TMEM132D: variants seen among roughly 807,000 people sequenced by gnomAD.
TMEM132D encodes the protein transmembrane protein 132D.
A neutral mutation model predicts 62.3 loss-of-function variants in TMEM132D; 21 were observed. The observed-to-expected ratio is 0.34, with a 90% CI of 0.24 to 0.49. The LOEUF is 0.49. Ranked by LOEUF, TMEM132D falls within the 20% of genes least tolerant of loss-of-function variation. TMEM132D has a pLI of 0.99. For missense variants in TMEM132D, 1,346 were observed against 1,402.8 expected, an observed-to-expected ratio of 0.96 and a Z score of 0.65; for synonymous variants, 621 against 575.6, an observed-to-expected ratio of 1.08 and a Z score of -1.13.
intron 3 of TMEM132D, among the ~76,000 whole-genome samples, chr12:129,363,138 G>C (rs1220506565): frequency 2.6e-5 from 4 of 152,160 alleles, no homozygotes; most frequent in African/African-American, 9.7e-5. Context: ...TACGTCACCA[G>C]GTCAAAAGAA....
chr12:129,512,518 A>C (rs1437870282), intron 3 of TMEM132D, among the ~76,000 whole-genome samples: 1 of 152,200 alleles, frequency 6.6e-6, no homozygotes, highest in Non-Finnish European at 1.5e-5. Context: ...AAACCCAGCA[A>C]TATTGTAGTG....
rs150515716 is a variant in TMEM132D, at chr12:129,870,539, G to T, written c.79+32722C>A. On this transcript the variant is annotated intron_variant, in intron 1 of 8. Transcript: ENST00000422113. ...CATGATGCCCTGGATTCCATGAGGA[G>T]AGAGCGCAAAAGCTCGGCATCCCTC... Among the ~76,000 whole-genome samples the T allele has an allele frequency of 1.6e-3, 243 of 152,322 alleles. 3 individuals are homozygous for T. Among genetic ancestry groups the T allele is most frequent in the African/African-American group, 5.3e-3 (220 of 41,576 alleles).
intron 3 of TMEM132D, among the ~76,000 whole-genome samples, chr12:129,494,198 G>A (rs1189425864): frequency 1.3e-5 from 2 of 152,214 alleles, no homozygotes; most frequent in Non-Finnish European, 2.9e-5. Flanking sequence ...CAACAATCAA[G>A]CATGTTAGAG....
intron 2 of TMEM132D, among the ~76,000 whole-genome samples, chr12:129,689,946 G>A (rs1881024769): frequency 6.6e-6 from 1 of 152,206 alleles, no homozygotes; most frequent in Admixed American, 6.5e-5. Flanking sequence ...ACTCCCAAAT[G>A]TGGAGAGACA....
intron 3 of TMEM132D, among the ~76,000 whole-genome samples, chr12:129,503,831 T>C (rs1875236931): frequency 6.6e-6 from 1 of 152,182 alleles, no homozygotes; most frequent in Admixed American, 6.5e-5. Context: ...TCTTCATTTC[T>C]TTCACTTTTG....
At chr12:129,150,345 C>A (rs959929438) in intron 5 of TMEM132D, among the ~76,000 whole-genome samples, 1 of 152,320 alleles carries the variant, frequency 6.6e-6, no homozygotes, top group East Asian at 1.9e-4. Context: ...CGACGGCCAA[C>A]ACTCACTGGG....
chr12:129,467,592 T>A (rs1173725161), intron 3 of TMEM132D, among the ~76,000 whole-genome samples: 2 of 152,186 alleles, frequency 1.3e-5, no homozygotes, highest in Non-Finnish European at 2.9e-5. Context: ...GAGGCTCCTC[T>A]GCACCCTCGG....
intron 2 of TMEM132D, among the ~76,000 whole-genome samples, chr12:129,564,495 C>T (rs189264339): frequency 1.3e-5 from 2 of 152,324 alleles, no homozygotes; most frequent in Admixed American, 6.5e-5. Context: ...TCTCCTTGGA[C>T]AGTTATCTTG....
chr12:129,848,447 T>C (rs1164947589), intron 1 of TMEM132D, among the ~76,000 whole-genome samples: 2 of 152,164 alleles, frequency 1.3e-5, no homozygotes, highest in East Asian at 3.9e-4. Flanking sequence ...AAATGTCTTG[T>C]TTGAGTAAGT....
intron 5 of TMEM132D, among the ~76,000 whole-genome samples, chr12:129,141,348 G>A (rs769593828): frequency 8.5e-5 from 13 of 152,152 alleles, no homozygotes; most frequent in Non-Finnish European, 1.3e-4. Context: ...TGCTGTGGCT[G>A]TCCATGTGTT....
intron 1 of TMEM132D, among the ~76,000 whole-genome samples, chr12:129,895,628 T>C (rs1431241561): frequency 2.0e-5 from 3 of 152,192 alleles, no homozygotes; most frequent in Non-Finnish European, 4.4e-5. Context: ...GGTCACCTCA[T>C]ACGAACATTC....
chr12:129,871,573 G>A (rs533418358), intron 1 of TMEM132D, among the ~76,000 whole-genome samples: 1 of 152,192 alleles, frequency 6.6e-6, no homozygotes, highest in Admixed American at 6.5e-5. Flanking sequence ...CCACTTAAAT[G>A]TTTCTAGCAA....
At chr12:129,505,818 T>C (rs1479663960) in intron 3 of TMEM132D, among the ~76,000 whole-genome samples, 1 of 152,198 alleles carries the variant, frequency 6.6e-6, no homozygotes, top group Non-Finnish European at 1.5e-5. Context: ...TAAAGTTTGT[T>C]TCATCTGATA....
intron 3 of TMEM132D, among the ~76,000 whole-genome samples, chr12:129,403,635 C>G (rs1477788161): frequency 1.3e-5 from 2 of 152,072 alleles, no homozygotes; most frequent in Non-Finnish European, 2.9e-5. Context: ...TTCATTGACC[C>G]TCTACTTTGT....
intron 2 of TMEM132D, among the ~76,000 whole-genome samples, chr12:129,616,149 C>T (rs372940335): frequency 4.9e-4 from 75 of 152,328 alleles, no homozygotes; most frequent in African/African-American, 1.7e-3. Flanking sequence ...TATAGTTTCA[C>T]TATAAATGGG....
chr12:129,130,879 CCCA>C (rs1434567891), intron 5 of TMEM132D, among the ~76,000 whole-genome samples: 1 of 152,214 alleles, frequency 6.6e-6, no homozygotes, highest in East Asian at 1.9e-4. Flanking sequence ...AGTAGCTTAG[CCCA>C]CCAAGTGTGG....
At chr12:129,777,894 G>A (rs1225408576) in intron 1 of TMEM132D, among the ~76,000 whole-genome samples, 5 of 152,084 alleles carry the variant, frequency 3.3e-5, no homozygotes, top group Non-Finnish European at 5.9e-5. Context: ...AGCACTTCGG[G>A]AAGCCGAGGT....
intron 2 of TMEM132D, among the ~76,000 whole-genome samples, chr12:129,560,825 T>C (rs149050730): frequency 5.7e-4 from 87 of 152,302 alleles, no homozygotes; most frequent in African/African-American, 1.8e-3. Flanking sequence ...GACACCTCCA[T>C]TGGAGAAGAT....
intron 3 of TMEM132D, among the ~76,000 whole-genome samples, chr12:129,507,259 G>A (rs903006992): frequency 1.3e-5 from 2 of 152,154 alleles, no homozygotes; most frequent in African/African-American, 4.8e-5. Flanking sequence ...TACACTGCTG[G>A]TGGGAATGTA....
Sources: gnomAD v4.1 joint callset for allele counts (sites outside exome capture counted in the v4.1 genomes callset) on GRCh38, gnomAD v4.1.1 for gene constraint, MANE v1.5 for transcripts, NCBI Gene and HGNC (gene_info 2026-07-23, HGNC 2026-07-21) for gene names.